NAB1: variants seen among roughly 807,000 people sequenced by gnomAD.
The protein encoded by NAB1 is NGFI-A binding protein 1.
In NAB1, 25 loss-of-function variants were observed where a neutral mutation model predicts 49.9. The ratio of observed to expected loss-of-function variants is 0.50; its 90% CI spans 0.37 to 0.70. NAB1 has a LOEUF of 0.70. NAB1 is among the 30% of genes least tolerant of loss of function. The pLI is 0.00. For missense variants in NAB1, 489 were observed against 575.9 expected (o/e 0.85, Z 1.54); for synonymous variants, 198 against 215.6 (o/e 0.92, Z 0.71).
chr2:190,659,562 A>G lies in NAB1; in HGVS notation c.386A>G (p.Lys129Arg), dbSNP rs900019657. Reference protein sequence around the residue: ...NAREPHLKIPKCAATTCVQSL... With the variant: ...NAREPHLKIPRCAATTCVQSL... ...CGGGAACCTCATTTAAAAATCCCCAAATGTGCTGCCACCACCTGTGTGCAG... is the reference window on the plus strand; with the variant it reads ...CGGGAACCTCATTTAAAAATCCCCAGATGTGCTGCCACCACCTGTGTGCAG... The change falls in exon 4 of 10, where the codon AAA (lysine) becomes AGA (arginine). Residue 129 changes from lysine (K) to arginine (R), a missense_variant. Lys to Arg is a conservative substitution (Grantham distance 26). Coordinates refer to ENST00000337386, the MANE Select transcript of NAB1 (RefSeq NM_005966.4). The surrounding 1 kb of genome is among the most constrained non-coding windows in gnomAD (Gnocchi z 6.2). 29 of 1,614,196 alleles carry G rather than the reference A, an allele frequency of 1.8e-5. No individual in the cohort carries two copies. The highest frequency in any genetic ancestry group is 2.5e-5 in the Non-Finnish European group (29 of 1,180,032).
rs776183886 is a variant in NAB1, at chr2:190,659,764, G to A, written c.588G>A (p.Ala196=). The A allele has an allele frequency of 1.3e-5, 21 of 1,613,936 alleles. No homozygotes were observed. The highest frequency in any genetic ancestry group is 6.7e-5 in the African/African-American group (5 of 74,928). The change falls in exon 4 of 10, where the codon GCG becomes GCA. Residue 196 remains alanine, a synonymous_variant. Transcript: ENST00000337386. The surrounding 1 kb of genome is among the most constrained non-coding windows in gnomAD (Gnocchi z 6.2). ...GTGAGGCGCTGGATGCTGCTGCTGC[G>A]CTCTCTGTGGCTGAGTGTGTGGAGC... ...ESSEALDAAA[A]LSVAECVERM...
chr2:190,661,980 A>C (rs185733008), intron 4 of NAB1, among the ~76,000 whole-genome samples: 132 of 152,306 alleles, frequency 8.7e-4, no homozygotes, highest in Admixed American at 2.4e-3. Context: ...TATTATGAGA[A>C]TTTTGTATTT....
In NAB1 at chr2:190,656,151, C is replaced by T. The variant is rs1182864418; in HGVS notation, c.-22C>T. On this transcript the variant is annotated splice_region_variant and 5_prime_UTR_variant, in exon 3 of 10. Transcript: ENST00000337386. ...TCGTTCCAGGATATCTTGAAAAGCC[C>T]AGGTAACAGTAGTTTTCAGCTGAGT... 1 of 152,190 alleles carries T rather than the reference C, an allele frequency of 6.6e-6. No homozygotes were observed. Among genetic ancestry groups the T allele is most frequent in the Non-Finnish European group, 1.5e-5 (1 of 68,040 alleles). 9.4% of individuals were successfully genotyped at this position (152,190 alleles called of 1,614,324 possible).
At chr2:190,662,681 T>C (rs1208424680) in intron 4 of NAB1, among the ~76,000 whole-genome samples, 2 of 152,130 alleles carry the variant, frequency 1.3e-5, no homozygotes, top group African/African-American at 4.8e-5. Flanking sequence ...CAACTAAAAC[T>C]TGGGAACAGC....
chr2:190,649,929 G>A lies in NAB1; in HGVS notation c.-250G>A, dbSNP rs895522478. On this transcript the variant is annotated 5_prime_UTR_variant, in exon 2 of 10. Coordinates refer to ENST00000337386, the MANE Select transcript of NAB1 (RefSeq NM_005966.4). This position sits in a 1 kb window ranked among gnomAD's most constrained non-coding sequence, Gnocchi z 6.1. ...AGCCAGAAACTCTTTGTGTCTCTAA[G>A]GCCGATGAGGAATTTGGAAACACAT... 4 of 152,196 alleles carry A rather than the reference G, an allele frequency of 2.6e-5. No homozygotes were observed. Among genetic ancestry groups the A allele is most frequent in the Admixed American group, 6.5e-5 (1 of 15,284 alleles). The allele number at this position is 152,196 out of a possible 1,614,324, so 9.4% of individuals were successfully genotyped here. A position where few individuals can be genotyped will look rare whatever the true frequency, so the allele number is the denominator to read the frequency against.
rs1694529079 is a variant in NAB1 at position 190,666,527 on chromosome 2, T to C, written c.820-3799T>C. ...TTCGAGACCAGCCTGGCCAACATGA[T>C]GAAACCCCGTCTGTACTAAAAATAC... On this transcript the variant is annotated intron_variant, in intron 4 of 9. Transcript: ENST00000337386. This position sits in a 1 kb window ranked among gnomAD's most constrained non-coding sequence, Gnocchi z 5.6. Among the ~76,000 whole-genome samples the C allele has an allele frequency of 6.6e-6, 1 of 151,954 alleles. No individual in the cohort carries two copies. The highest frequency in any genetic ancestry group is 1.5e-5 in the Non-Finnish European group (1 of 67,988).
rs1412914876 is a variant in NAB1, at chr2:190,669,937, C to T, written c.820-389C>T. 6.6e-6 allele frequency among the ~76,000 whole-genome samples: 1 copy of T among 152,078 alleles called. No homozygotes were observed. The highest frequency in any genetic ancestry group is 2.4e-5 in the African/African-American group (1 of 41,400). ...TCAGTTCATAAAAAATCTGTCAGACCATCTACATTCATTTTTGGTTAGAGA... is the reference window on the plus strand; with the variant it reads ...TCAGTTCATAAAAAATCTGTCAGACTATCTACATTCATTTTTGGTTAGAGA... On this transcript the variant is annotated intron_variant, in intron 4 of 9. Transcript: ENST00000337386. This position sits in a 1 kb window ranked among gnomAD's most constrained non-coding sequence, Gnocchi z 4.3.
chr2:190,664,085 A>G (rs942223101), intron 4 of NAB1, among the ~76,000 whole-genome samples: 10 of 152,168 alleles, frequency 6.6e-5, no homozygotes, highest in Non-Finnish European at 1.5e-4. Context: ...AGAGTGTTCT[A>G]TATGTGTCTG....
intron 5 of NAB1, among the ~76,000 whole-genome samples, chr2:190,671,204 T>C (rs975059237): frequency 1.3e-5 from 2 of 152,090 alleles, no homozygotes; most frequent in Non-Finnish European, 2.9e-5. Context: ...TTGTTGAAAA[T>C]TCACATTCTG....
Position 190,669,283 on chromosome 2 carries a change from G to T in NAB1, c.820-1043G>T, listed in dbSNP as rs1202823536. On this transcript the variant is annotated intron_variant, in intron 4 of 9. Coordinates refer to ENST00000337386, the MANE Select transcript of NAB1 (RefSeq NM_005966.4). The surrounding 1 kb of genome is among the most constrained non-coding windows in gnomAD (Gnocchi z 4.3). ...CTGAAACCTCAGACAGCAAAACTGT[G>T]GGTAAGGGGGTACTGCCGTACCTGA... is the stretch of plus-strand genomic sequence containing the variant. Among the ~76,000 whole-genome samples the T allele has an allele frequency of 6.6e-6, 1 of 152,226 alleles. No individual in the cohort carries two copies. The highest frequency in any genetic ancestry group is 1.5e-5 in the Non-Finnish European group (1 of 68,030).
At chr2:190,658,430 C>T (rs1430602897) in intron 3 of NAB1, among the ~76,000 whole-genome samples, 1 of 152,160 alleles carries the variant, frequency 6.6e-6, no homozygotes, top group Non-Finnish European at 1.5e-5. Flanking sequence ...GTAACTCTTC[C>T]CTTAAACCAC....
At position 190,659,063 on chromosome 2, in the gene NAB1, C is replaced by T. The variant is rs1016046871; in HGVS notation, c.-19-95C>T. On this transcript the variant is annotated intron_variant, in intron 3 of 9. Transcript: ENST00000337386. The surrounding 1 kb of genome is among the most constrained non-coding windows in gnomAD (Gnocchi z 6.2). ...AGGCAGTCACGATGCAGATGCTTCT[C>T]GTTTTTGTTCTTAAAACCTGTAGTG... 6.5e-6 allele frequency: 5 copies of T among 765,556 alleles called. No homozygotes were observed. Among genetic ancestry groups the T allele is most frequent in the Non-Finnish European group, 8.2e-6 (4 of 486,060 alleles). The allele number at this position is 765,556 out of a possible 1,614,324, so 47.4% of individuals were successfully genotyped here.
intron 3 of NAB1, among the ~76,000 whole-genome samples, chr2:190,658,318 C>T (rs1341948321): frequency 6.6e-6 from 1 of 152,134 alleles, no homozygotes; most frequent in African/African-American, 2.4e-5. Flanking sequence ...GTGCCATGTG[C>T]GAGTGCCATG....
At chr2:190,650,332 C>T (rs1234542651) in intron 2 of NAB1, among the ~76,000 whole-genome samples, 2 of 152,212 alleles carry the variant, frequency 1.3e-5, no homozygotes, top group Admixed American at 1.3e-4. Context: ...TTGCCAGTGA[C>T]GTGTCTGCCA....
intron 4 of NAB1, among the ~76,000 whole-genome samples, chr2:190,668,734 C>A (rs1694650740): frequency 6.6e-6 from 1 of 151,898 alleles, no homozygotes; most frequent in Non-Finnish European, 1.5e-5. Context: ...AAAAATTATT[C>A]TAAATAAAGA....
chr2:190,683,611 A>T, intron 6 of NAB1, 127 bp from the exon 7 acceptor site: 1 of 623,016 alleles, frequency 1.6e-6, no homozygotes, highest in East Asian at 2.9e-5. Context: ...AATATTTTAT[A>T]ACCATTAAAA....
At chr2:190,660,116 T>A (rs1361402888) in intron 4 of NAB1, 121 bp downstream of exon 4, 2 of 849,894 alleles carry the variant, frequency 2.4e-6, no homozygotes, top group Non-Finnish European at 3.7e-6. Context: ...ATTAAAAACA[T>A]TGAGGTGTTA....
rs1693544499 is a variant in NAB1 at position 190,649,602 on chromosome 2, G to A, written c.-334+242G>A. On this transcript the variant is annotated intron_variant, in intron 1 of 9. Transcript: ENST00000337386. This position sits in a 1 kb window ranked among gnomAD's most constrained non-coding sequence, Gnocchi z 6.1. ...CCAGGGCGGCGGGGAGCGCGGCCCT[G>A]ACTCGTGCATTTTCCCTCCGAGAAA... 1.3e-5 allele frequency among the ~76,000 whole-genome samples: 2 copies of A among 151,990 alleles called. No homozygotes were observed. Among genetic ancestry groups the A allele is most frequent in the Non-Finnish European group, 2.9e-5 (2 of 67,980 alleles).
rs1695833032 is a variant in NAB1, at chr2:190,689,952, T to A, written c.1376-293T>A. On this transcript the variant is annotated intron_variant, in intron 9 of 9. Transcript: ENST00000337386. The surrounding 1 kb of genome is among the most constrained non-coding windows in gnomAD (Gnocchi z 4.3). ...CACTTTATGTAGATACTATTCCTAT[T>A]TTATAAATGAAGACATTAAGGCTTA... 9.8e-6 allele frequency among the ~76,000 whole-genome samples: 1 copy of A among 102,424 alleles called. No homozygotes were observed. The allele number at this position is 102,424 out of a possible 152,430, so 67.2% of individuals were successfully genotyped here.
Sources: allele counts gnomAD v4.1 joint callset (sites outside exome capture counted in the v4.1 genomes callset), GRCh38; gene constraint gnomAD v4.1.1; non-coding constraint Gnocchi (gnomAD v3.1); transcripts MANE v1.5; gene names NCBI Gene and HGNC (gene_info 2026-07-23, HGNC 2026-07-21).